Variants in VPS72 observed in about 807,000 individuals in gnomAD.
The protein encoded by VPS72 is vacuolar protein sorting 72 homolog.
In VPS72, 27 loss-of-function variants were observed where a neutral mutation model predicts 38.9. That is an observed-to-expected ratio of 0.69 (90% CI 0.51 to 0.96). The LOEUF (loss-of-function observed/expected upper bound fraction) is 0.96, where lower values mean the gene tolerates loss of function less well. Ranked by LOEUF, VPS72 falls within the 40% of genes least tolerant of loss-of-function variation. The pLI, the probability that VPS72 is intolerant of heterozygous loss-of-function variation, is 0.00. For missense variants in VPS72, 360 were observed against 479.5 expected (o/e 0.75, Z 2.33); for synonymous variants, 173 against 186.3 (o/e 0.93, Z 0.58).
intron 1 of VPS72, among the ~76,000 whole-genome samples, chr1:151,188,907 T>G (rs181171653): frequency 6.6e-6 from 1 of 152,100 alleles, no homozygotes; most frequent in South Asian, 2.1e-4. Context: ...CTCGGCTCAC[T>G]GCAACCTCCT....
intron 1 of VPS72, among the ~76,000 whole-genome samples, chr1:151,186,738 C>CCTCTTGACAGAGG (rs1684359647): frequency 6.6e-6 from 1 of 152,180 alleles, no homozygotes; most frequent in Non-Finnish European, 1.5e-5. Flanking sequence ...CTAAGTAAAA[C>CCTCTTGACAGAGG]TTTTCTCTGT....
chr1:151,176,349 G>T lies in VPS72; in HGVS notation c.*295C>A. The T allele has an allele frequency of 2.7e-6, 1 of 368,432 alleles. No individual in the cohort carries two copies. The highest frequency in any genetic ancestry group is 4.9e-6 in the Non-Finnish European group (1 of 203,062). The allele number at this position is 368,432 out of a possible 1,614,324, so 22.8% of individuals were successfully genotyped here. A position where few individuals can be genotyped will look rare whatever the true frequency, so the allele number is the denominator to read the frequency against. On this transcript the variant is annotated 3_prime_UTR_variant, in exon 6 of 6. Coordinates refer to ENST00000368892, the MANE Select transcript of VPS72 (RefSeq NM_005997.3). ...ATGTTTATAATTTAGTTGGAGGAAT[G>T]AATACAATTTAGAAAGGACAGCTCA...
chr1:151,184,454 C>T lies in VPS72; in HGVS notation c.425G>A (p.Arg142Gln), dbSNP rs1684305273. 6.2e-7 allele frequency: 1 copy of T among 1,613,688 alleles called. No homozygotes were observed. The highest frequency in any genetic ancestry group is 8.5e-7 in the Non-Finnish European group (1 of 1,180,034). The change falls in exon 4 of 6, where the codon CGA becomes CAA. Residue 142 changes from arginine to glutamine, a missense_variant. By Grantham distance (43) the Arg-to-Gln change is conservative (BLOSUM62 1). Around this residue, in one of 2 missense-constraint regions of VPS72, gnomAD observed 294 missense variants for 356.3 expected, o/e 0.83. Transcript: ENST00000368892. ...SMRQSTAEHT[R>Q]QTFLRVQERQ... is the part of the protein sequence containing the mutation. ...CTCCTGTACCCGAAGGAACGTTTGTCGTGTATGCTCAGCTGTAGACTGACG... is the reference window on the plus strand; with the variant it reads ...CTCCTGTACCCGAAGGAACGTTTGTTGTGTATGCTCAGCTGTAGACTGACG...
intron 1 of VPS72, among the ~76,000 whole-genome samples, chr1:151,189,780 T>C (rs1260986974): frequency 1.3e-5 from 2 of 152,068 alleles, no homozygotes; most frequent in Non-Finnish European, 2.9e-5. Flanking sequence ...TCCGGAGAGC[T>C]TCTCCGTCTC....
chr1:151,177,340 G>C (rs1684134304), intron 5 of VPS72, among the ~76,000 whole-genome samples: 1 of 149,022 alleles, frequency 6.7e-6, no homozygotes, highest in Non-Finnish European at 1.5e-5. Flanking sequence ...AACCAAGATC[G>C]TGCCATTACA....
Position 151,185,584 on chromosome 1 carries a change from T to C in VPS72, c.307A>G (p.Thr103Ala), listed in dbSNP as rs746257511. Residue 103 changes from threonine to alanine, a missense_variant, in exon 3 of 6, where the codon ACC becomes GCC. This residue lies in a region of VPS72 where 294 missense variants were observed against 356.3 expected (regional missense o/e 0.83). Coordinates refer to ENST00000368892, the MANE Select transcript of VPS72 (RefSeq NM_005997.3). ...GCCTTCTGAGAGCTACCAGCCGGGG[T>C]GTTGACCTTTCGAGGCCTTAAGCTC... The part of the protein sequence containing the change: ...LKSLRPRKVN[T>A]PAGSSQKARE... 1.3e-5 allele frequency: 21 copies of C among 1,614,094 alleles called. No individual in the cohort carries two copies. The highest frequency in any genetic ancestry group is 1.6e-4 in the Middle Eastern group (1 of 6,062).
intron 5 of VPS72, 66 bp from the exon 6 acceptor site, chr1:151,177,097 G>A: frequency 1.4e-6 from 2 of 1,470,450 alleles, no homozygotes; most frequent in South Asian, 1.5e-5. Flanking sequence ...ACAGAAAGAA[G>A]GAAATCAGGC....
At chr1:151,189,175 CAG>C (rs1684410234) in intron 1 of VPS72, among the ~76,000 whole-genome samples, 1 of 152,178 alleles carries the variant, frequency 6.6e-6, no homozygotes, top group African/African-American at 2.4e-5. Context: ...ACTGTTAACC[CAG>C]GCAGTTACCC....
Position 151,176,406 on chromosome 1 carries a change from T to G in VPS72, c.*238A>C, listed in dbSNP as rs1333840192. The stretch of plus-strand genomic sequence containing the variant: ...ATGCTATCGAATAAAGACCCAAATA[T>G]ATGCAGGTATTCAAATACTTCTTGC... On this transcript the variant is annotated 3_prime_UTR_variant, in exon 6 of 6. Coordinates refer to ENST00000368892, the MANE Select transcript of VPS72 (RefSeq NM_005997.3). The G allele has an allele frequency of 1.8e-6, 1 of 566,694 alleles. No individual in the cohort carries two copies. Among genetic ancestry groups the G allele is most frequent in the Non-Finnish European group, 3.0e-6 (1 of 331,252 alleles). 35.1% of individuals were successfully genotyped at this position (566,694 alleles called of 1,614,324 possible).
In VPS72 at chr1:151,190,046, C is replaced by T. The variant is rs781681433; in HGVS notation, c.76G>A (p.Glu26Lys). ...TAAGTCGTCTGGTAGAACTCATCTT[C>T]CTCCTCTGCCTCCAAAAGCCCAGAA... ...RLSGLLEAEE[E>K]DEFYQTTYGG... The change falls in exon 1 of 6, where the codon GAA becomes AAA. Residue 26 changes from glutamate (E) to lysine (K), a missense_variant. By Grantham distance (56) the Glu-to-Lys change is moderately conservative (BLOSUM62 1). Transcript: ENST00000368892. 6.2e-7 allele frequency: 1 copy of T among 1,614,152 alleles called. No individual in the cohort carries two copies. The highest frequency in any genetic ancestry group is 2.2e-5 in the East Asian group (1 of 44,876).
chr1:151,179,001 G>T (rs1048016649), intron 4 of VPS72, among the ~76,000 whole-genome samples: 12 of 152,186 alleles, frequency 7.9e-5, no homozygotes, highest in Non-Finnish European at 2.9e-5. Flanking sequence ...ATGAATCAAG[G>T]CTGGGCACAG....
chr1:151,177,627 G>A (rs918127820), intron 5 of VPS72, among the ~76,000 whole-genome samples: 1 of 152,104 alleles, frequency 6.6e-6, no homozygotes, highest in African/African-American at 2.4e-5. Context: ...AGTATTTTAG[G>A]AAGATGAAGC....
At chr1:151,181,911 G>A (rs1377556859) in intron 4 of VPS72, among the ~76,000 whole-genome samples, 2 of 152,146 alleles carry the variant, frequency 1.3e-5, no homozygotes, top group African/African-American at 4.8e-5. Flanking sequence ...CAGAGACAGG[G>A]TCTCACTATG....
chr1:151,177,316 C>G (rs1319308475), intron 5 of VPS72, among the ~76,000 whole-genome samples: 1 of 147,090 alleles, frequency 6.8e-6, no homozygotes, highest in Non-Finnish European at 1.5e-5. Context: ...AGCCAGGAGG[C>G]GGAGGTTGCA....
chr1:151,186,752 G>C (rs1399495214), intron 1 of VPS72, among the ~76,000 whole-genome samples: 1 of 152,200 alleles, frequency 6.6e-6, no homozygotes, highest in African/African-American at 2.4e-5. Flanking sequence ...TCTCTGTCAA[G>C]AAACCTTGTT....
Position 151,190,121 on chromosome 1 carries a change from TACCGCCTACCGAGACTGC to T in VPS72, c.-18_-1del, listed in dbSNP as rs1419969917. 6.2e-7 allele frequency: 1 copy of T among 1,612,818 alleles called. No individual in the cohort carries two copies. The highest frequency in any genetic ancestry group is 8.5e-7 in the Non-Finnish European group (1 of 1,179,964). On this transcript the variant is annotated 5_prime_UTR_variant, in exon 1 of 6. Coordinates refer to ENST00000368892, the MANE Select transcript of VPS72 (RefSeq NM_005997.3). ...GGTGCCCGGCCCCCAGCCAAACTCA[TACCGCCTACCGAGACTGC>T]GCCGCCACCTGCAGCCCCTCACCAG...
chr1:151,176,874 G>T lies in VPS72; in HGVS notation c.865C>A (p.Arg289Ser), dbSNP rs753843573. 1 of 1,614,156 alleles carries T rather than the reference G, an allele frequency of 6.2e-7. No individual in the cohort carries two copies. Among genetic ancestry groups the T allele is most frequent in the Non-Finnish European group, 8.5e-7 (1 of 1,180,032 alleles). The change falls in exon 6 of 6, where the codon CGT becomes AGT. Residue 289 changes from arginine to serine, a missense_variant. This residue lies in a region of VPS72 where 294 missense variants were observed against 356.3 expected (regional missense o/e 0.83). Transcript: ENST00000368892. ...CGATGGGTCACTGGACAGACCTCAC[G>T]AACAGGGACTTTTGGGGGCCGCCCT... ...PQGRPPKVPVREVCPVTHRPA... is the reference protein window; with the variant it reads ...PQGRPPKVPVSEVCPVTHRPA...
chr1:151,184,238 T>C, intron 4 of VPS72, 79 bp downstream of exon 4: 1 of 1,541,066 alleles, frequency 6.5e-7, no homozygotes, highest in Non-Finnish European at 8.8e-7. Flanking sequence ...TCTCTCCAGT[T>C]CTTTGGTCCT....
chr1:151,177,050 G>A lies in VPS72; in HGVS notation c.708-19C>T, dbSNP rs766339247. On this transcript the variant is annotated intron_variant, in intron 5 of 5. Coordinates refer to ENST00000368892, the MANE Select transcript of VPS72 (RefSeq NM_005997.3). Reference sequence around the variant, plus strand: ...ATCAAGTCTGAGGACAAAAGACAAGGAAAAACACAAAGAGCTGAGGAGAGA... The same window carrying A: ...ATCAAGTCTGAGGACAAAAGACAAGAAAAAACACAAAGAGCTGAGGAGAGA... 2 of 1,529,260 alleles carry A rather than the reference G, an allele frequency of 1.3e-6. No homozygotes were observed. The highest frequency in any genetic ancestry group is 1.3e-5 in the South Asian group (1 of 76,270). The allele number at this position is 1,529,260 out of a possible 1,614,324, so 94.7% of individuals were successfully genotyped here.
Sources: gnomAD v4.1 joint callset for allele counts (sites outside exome capture counted in the v4.1 genomes callset) on GRCh38, gnomAD v4.1.1 for gene constraint, gnomAD v4.1.1 regional missense constraint, MANE v1.5 for transcripts, NCBI Gene and HGNC (gene_info 2026-07-23, HGNC 2026-07-21) for gene names.